The following DENND1C variants were observed in gnomAD, a reference collection of about 807,000 sequenced individuals.
DENND1C encodes the protein DENN domain containing 1C.
DENND1C carries 64 observed loss-of-function variants against 87.9 expected under a neutral mutation model. The observed-to-expected ratio is 0.73, with a 90% CI of 0.60 to 0.90. The LOEUF (loss-of-function observed/expected upper bound fraction) is 0.90. Among genes scored for constraint, DENND1C ranks in the 40% least tolerant of loss-of-function variants. The pLI is 0.00. For synonymous variants in DENND1C, 384 were observed against 424.4 expected (o/e 0.90, Z 1.17); for missense variants, 980 against 1,037.0 (o/e 0.95, Z 0.76).
chr19:6,467,928 G>A lies in DENND1C; in HGVS notation c.1982C>T (p.Ser661Phe), dbSNP rs2092804902. The A allele has an allele frequency of 6.2e-7, 1 of 1,613,902 alleles. No homozygotes were observed. The highest frequency in any genetic ancestry group is 1.1e-5 in the South Asian group (1 of 91,048). ...GTCCCCCCAGATGCTTGGGTCTGCA[G>A]AAGCTGTTGAGGACTGGGATGGAGA... ...VTSPSQSSTA[S>F]ADPSIWGDPK... is the part of the protein sequence containing the mutation. The change falls in exon 23 of 23, where the codon TCT becomes TTT. Residue 661 changes from serine to phenylalanine, a missense_variant. Coordinates refer to ENST00000381480, the MANE Select transcript of DENND1C (RefSeq NM_024898.4).
intron 10 of DENND1C, 73 bp from the exon 11 acceptor site, chr19:6,476,010 C>G (rs2092857841): frequency 7.5e-7 from 1 of 1,327,870 alleles, no homozygotes; most frequent in Admixed American, 2.8e-5. Context: ...GCTGCATTTC[C>G]CACGTCCCCA....
intron 18 of DENND1C, 52 bp downstream of exon 18, chr19:6,470,243 T>C: frequency 6.4e-7 from 1 of 1,556,854 alleles, no homozygotes; most frequent in Non-Finnish European, 8.7e-7. Flanking sequence ...GTGTCCTCTG[T>C]CCCCTCCCCC....
chr19:6,467,395 T>C lies in DENND1C; in HGVS notation c.*109A>G. The C allele has an allele frequency of 7.2e-7, 1 of 1,382,870 alleles. No homozygotes were observed. Among genetic ancestry groups the C allele is most frequent in the Non-Finnish European group, 9.5e-7 (1 of 1,056,366 alleles). 85.7% of individuals were successfully genotyped at this position (1,382,870 alleles called of 1,614,324 possible). ...GAGGGACAGAGGTGGGTGGGATGGA[T>C]TTCCGAGCAGAGTGAGGGCACCAGA... On this transcript the variant is annotated 3_prime_UTR_variant, in exon 23 of 23. Transcript: ENST00000381480.
chr19:6,481,580 C>A (rs1053324261), intron 1 of DENND1C, 99 bp downstream of exon 1: 1 of 1,560,260 alleles, frequency 6.4e-7, no homozygotes, highest in East Asian at 2.3e-5. Context: ...CAGGTCACTG[C>A]ACCTCCCGGG....
intron 20 of DENND1C, 24 bp downstream of exon 20, chr19:6,468,822 G>T: frequency 6.7e-7 from 1 of 1,499,574 alleles, no homozygotes. Context: ...CCAGGTGTGT[G>T]CATGGGGGGA....
chr19:6,475,800 C>A, intron 11 of DENND1C, 37 bp downstream of exon 11: 1 of 1,522,062 alleles, frequency 6.6e-7, no homozygotes, highest in Non-Finnish European at 8.8e-7. Flanking sequence ...CCAGGGCCTG[C>A]CCACAGGCCC....
In DENND1C at chr19:6,468,277, A is replaced by G; in HGVS notation, c.1748T>C (p.Leu583Ser). Residue 583 changes from leucine to serine, a missense_variant, in exon 22 of 23, where the codon TTA becomes TCA. Transcript: ENST00000381480. Reference sequence around the variant, plus strand: ...CAGGTCTCCTCTGTGACAGCAGTCTAAACTCTGGCTCGGTCTCAGGCTGCC... The same window carrying G: ...CAGGTCTCCTCTGTGACAGCAGTCTGAACTCTGGCTCGGTCTCAGGCTGCC... ...SAGSLRPSQS[L>S]DCCHRGDLDS... The G allele has an allele frequency of 6.2e-7, 1 of 1,613,658 alleles. No homozygotes were observed. Among genetic ancestry groups the G allele is most frequent in the South Asian group, 1.1e-5 (1 of 91,042 alleles).
At position 6,472,877 on chromosome 19, in the gene DENND1C, G is replaced by T. The variant is rs775107215; in HGVS notation, c.1158+12C>A. The stretch of plus-strand genomic sequence containing the variant: ...CTCCAGTCCCAGCTGGACCCTCAGG[G>T]CTCTGGCATACCTGTTTGAACAGCT... On this transcript the variant is annotated intron_variant, in intron 15 of 22. Transcript: ENST00000381480. 1.3e-6 allele frequency: 2 copies of T among 1,512,402 alleles called. No homozygotes were observed. 93.7% of individuals were successfully genotyped at this position (1,512,402 alleles called of 1,614,324 possible).
intron 15 of DENND1C, among the ~76,000 whole-genome samples, chr19:6,472,489 C>T (rs2092835292): frequency 6.6e-6 from 1 of 152,162 alleles, no homozygotes; most frequent in Non-Finnish European, 1.5e-5. Context: ...CTCCCGGGTT[C>T]AAACGATTCT....
chr19:6,469,040 T>G (rs1050855616), intron 19 of DENND1C, 87 bp from the exon 20 acceptor site: 20 of 818,840 alleles, frequency 2.4e-5, no homozygotes, highest in African/African-American at 1.1e-4. Flanking sequence ...TCTTTTTTTT[T>G]TTTTGTTTGA....
intron 14 of DENND1C, among the ~76,000 whole-genome samples, chr19:6,473,816 G>GGGGGGGGGGGGGA (rs1231177042): frequency 2.1e-4 from 28 of 131,600 alleles, no homozygotes; most frequent in Non-Finnish European, 2.9e-4. Flanking sequence ...GGGGGGTGGG[G>GGGGGGGGGGGGGA]GGAGGGAAAT....
At chr19:6,480,208 G>A in intron 1 of DENND1C, 157 bp from the exon 2 acceptor site, 8 of 1,475,522 alleles carry the variant, frequency 5.4e-6, no homozygotes, top group Non-Finnish European at 7.2e-6. Context: ...GTGGTTGTGT[G>A]AGGCTGTGTG....
chr19:6,469,671 G>A lies in DENND1C; in HGVS notation c.1363-31C>T, dbSNP rs749890601. 6 of 1,590,982 alleles carry A rather than the reference G, an allele frequency of 3.8e-6. No individual in the cohort carries two copies. The African/African-American group carries it at 8.1e-5, about 21-fold the overall frequency. ...AAGGAGTGGACAGAGAATTACCCAA[G>A]GGTGGTGGGATCCTGGGCATTTGAG... On this transcript the variant is annotated intron_variant, in intron 18 of 22. Transcript: ENST00000381480.
Position 6,477,238 on chromosome 19 carries a change from TA to T in DENND1C, c.492del (p.Thr165ProfsTer28), listed in dbSNP as rs780936047. The T allele has an allele frequency of 1.3e-5, 21 of 1,583,456 alleles. No individual in the cohort carries two copies. Among genetic ancestry groups the T allele is most frequent in the African/African-American group, 4.1e-5 (3 of 73,758 alleles). On this transcript the variant is annotated frameshift_variant, in exon 8 of 23. Transcript: ENST00000381480. LOFTEE classifies it high-confidence loss of function. ...CTCACCGGCTTGCTATTCCCCCGGG[TA>T]GGGGGGGGGATACCCTGCCCGCTGG... ...TVSSGQGIPP[P>X]TRGNSKPLSC... is the part of the protein sequence containing the mutation.
In DENND1C at chr19:6,480,015, TTCGAAGAACCAA is replaced by T; in HGVS notation, c.42_53del (p.Asp14_Phe17del). 6.2e-7 allele frequency: 1 copy of T among 1,606,568 alleles called. No individual in the cohort carries two copies. Among genetic ancestry groups the T allele is most frequent in the Non-Finnish European group, 8.5e-7 (1 of 1,177,084 alleles). The stretch of plus-strand genomic sequence containing the variant: ...CCTGCAGGGAGGCAGGGCAGGCCGC[TTCGAAGAACCAA>T]TCAAACACAGCAGGGGAGCCCCCTC... On this transcript the variant is annotated inframe_deletion, in exon 2 of 23. Coordinates refer to ENST00000381480, the MANE Select transcript of DENND1C (RefSeq NM_024898.4).
rs542964463 is a variant in DENND1C at position 6,481,588 on chromosome 19, G to A, written c.17+91C>T. 2.8e-4 allele frequency: 441 copies of A among 1,580,104 alleles called. 3 individuals are homozygous for A. In the South Asian group the frequency reaches 4.6e-3, roughly 16 times the overall value. The stretch of plus-strand genomic sequence containing the variant: ...GCCCTGGCAGGTCACTGCACCTCCC[G>A]GGCCTGCTCCAGCCCCAGCTCCCCT... On this transcript the variant is annotated intron_variant, in intron 1 of 22. Coordinates refer to ENST00000381480, the MANE Select transcript of DENND1C (RefSeq NM_024898.4).
intron 14 of DENND1C, among the ~76,000 whole-genome samples, 169 bp from the exon 15 acceptor site, chr19:6,473,162 G>T (rs1338520835): frequency 6.6e-6 from 1 of 152,040 alleles, no homozygotes; most frequent in Non-Finnish European, 1.5e-5. Context: ...TTGTTTGTTT[G>T]TTTTGTTTTT....
At chr19:6,479,431 G>GGTCCCTGTGTCCCTGA (rs1555750707) in intron 4 of DENND1C, among the ~76,000 whole-genome samples, 1 of 141,992 alleles carries the variant, frequency 7.0e-6, no homozygotes, top group African/African-American at 3.0e-5. Flanking sequence ...TGAGTCCCTG[G>GGTCCCTGTGTCCCTGA]GTCCCTGGGT....
At chr19:6,469,021 TTTAG>T in intron 19 of DENND1C, 68 bp from the exon 20 acceptor site, 4 of 947,188 alleles carry the variant, frequency 4.2e-6, no homozygotes, top group East Asian at 3.3e-5. Flanking sequence ...ACCATTGGTC[TTTAG>T]TTAGTCTTTT....
Sources: allele counts gnomAD v4.1 joint callset (sites outside exome capture counted in the v4.1 genomes callset), GRCh38; gene constraint gnomAD v4.1.1; transcripts MANE v1.5; gene names NCBI Gene and HGNC (gene_info 2026-07-23, HGNC 2026-07-21).